TIAM2: variants seen among roughly 807,000 people sequenced by gnomAD.
TIAM2 encodes rho guanine nucleotide exchange factor TIAM2.
Under a neutral mutation model 152.9 loss-of-function variants are expected in TIAM2, and 80 were observed. The observed-to-expected ratio is 0.52, with a 90% CI of 0.44 to 0.63. The LOEUF is 0.63. Ranked by LOEUF, TIAM2 falls within the 30% of genes least tolerant of loss-of-function variation. The pLI is 0.00. For missense variants in TIAM2, 1,965 were observed against 2,120.1 expected (o/e 0.93, Z 1.44); for synonymous variants, 804 against 838.0 (o/e 0.96, Z 0.70).
chr6:155,157,559 G>T (rs1397755224), intron 7 of TIAM2, among the ~76,000 whole-genome samples: 2 of 151,572 alleles, frequency 1.3e-5, no homozygotes, highest in Non-Finnish European at 2.9e-5. Flanking sequence ...CTCCTGTCTC[G>T]GCCTCTCAAA....
intron 16 of TIAM2, among the ~76,000 whole-genome samples, chr6:155,242,341 A>C (rs1783080250): frequency 6.6e-6 from 1 of 152,152 alleles, no homozygotes; most frequent in Admixed American, 6.5e-5. Flanking sequence ...TTTAACACAG[A>C]ATCTTGTTGT....
intron 1 of TIAM2, among the ~76,000 whole-genome samples, chr6:154,998,695 A>G (rs1778263201): frequency 6.6e-6 from 1 of 152,234 alleles, no homozygotes. Context: ...AATTCATAAC[A>G]TTGGAATAAC....
At chr6:155,221,633 C>T (rs987451546) in intron 15 of TIAM2, among the ~76,000 whole-genome samples, 4 of 152,104 alleles carry the variant, frequency 2.6e-5, no homozygotes, top group East Asian at 1.9e-4. Flanking sequence ...CTTAGGTGGT[C>T]GTAAGGGACC....
At chr6:155,009,754 T>TGGGCCCCTC (rs1430744927) in intron 1 of TIAM2, among the ~76,000 whole-genome samples, 2 of 152,206 alleles carry the variant, frequency 1.3e-5, no homozygotes, top group African/African-American at 4.8e-5. Context: ...GAAGGCCCCT[T>TGGGCCCCTC]GGGCCCCTCT....
intron 1 of TIAM2, among the ~76,000 whole-genome samples, chr6:155,030,033 T>C (rs951941591): frequency 1.3e-5 from 2 of 152,110 alleles, no homozygotes; most frequent in Non-Finnish European, 2.9e-5. Flanking sequence ...GGTCAAGCCA[T>C]CCTCCCACCT....
chr6:155,032,717 T>G (rs2114892763), intron 1 of TIAM2, among the ~76,000 whole-genome samples: 1 of 152,290 alleles, frequency 6.6e-6, no homozygotes, highest in Admixed American at 6.5e-5. Context: ...ATTTTTTGTA[T>G]TTTTAGTAGA....
At chr6:155,139,684 A>G (rs1779645052) in intron 5 of TIAM2, among the ~76,000 whole-genome samples, 2 of 152,178 alleles carry the variant, frequency 1.3e-5, no homozygotes, top group Admixed American at 1.3e-4. Context: ...TCACACCTGT[A>G]ATCCCAGCAC....
intron 7 of TIAM2, among the ~76,000 whole-genome samples, chr6:155,150,470 G>T (rs998901345): frequency 2.0e-5 from 3 of 152,158 alleles, no homozygotes; most frequent in African/African-American, 7.2e-5. Flanking sequence ...AGGCTGGAAG[G>T]GTGTTGGGCG....
chr6:155,229,569 G>A (rs1000648394), intron 15 of TIAM2, among the ~76,000 whole-genome samples: 5 of 152,254 alleles, frequency 3.3e-5, no homozygotes, highest in Admixed American at 1.3e-4. Flanking sequence ...TAACTCCAGA[G>A]CCTGTGTGCC....
intron 2 of TIAM2, among the ~76,000 whole-genome samples, chr6:155,125,547 T>A (rs1779271223): frequency 6.6e-6 from 1 of 151,920 alleles, no homozygotes; most frequent in South Asian, 2.1e-4. Flanking sequence ...CTGTAAAGAA[T>A]TAAAAATAGG....
rs150872992 is a variant in TIAM2 at position 155,023,547 on chromosome 6, G to C, written c.-209+28055G>C. On this transcript the variant is annotated intron_variant, in intron 1 of 26. Transcript: ENST00000682666. Reference sequence around the variant, plus strand: ...TGCTCTTGATTTTGCAGCCCTGACAGGTTGGGTAGCAGCCTGGCCTGGAAC... The same window carrying C: ...TGCTCTTGATTTTGCAGCCCTGACACGTTGGGTAGCAGCCTGGCCTGGAAC... Among the ~76,000 whole-genome samples, 217 of 152,248 alleles carry C rather than the reference G, an allele frequency of 1.4e-3. 1 individual carries two copies. Among genetic ancestry groups the C allele is most frequent in the African/African-American group, 5.0e-3 (206 of 41,554 alleles).
At chr6:155,202,660 G>A (rs914866183) in intron 14 of TIAM2, among the ~76,000 whole-genome samples, 8 of 148,856 alleles carry the variant, frequency 5.4e-5, no homozygotes, top group African/African-American at 1.7e-4. Flanking sequence ...ACTCCTGACC[G>A]CAAGCAATCC....
At chr6:155,100,186 A>C (rs1778523699) in intron 2 of TIAM2, among the ~76,000 whole-genome samples, 1 of 152,136 alleles carries the variant, frequency 6.6e-6, no homozygotes, top group Non-Finnish European at 1.5e-5. Context: ...GGCAGAGCAG[A>C]AGTTTGGGTC....
intron 1 of TIAM2, among the ~76,000 whole-genome samples, chr6:155,057,925 G>A (rs1036702731): frequency 2.6e-5 from 4 of 152,144 alleles, no homozygotes; most frequent in African/African-American, 9.7e-5. Context: ...GAGAGTGTCT[G>A]TTCTCCATTT....
intron 1 of TIAM2, among the ~76,000 whole-genome samples, chr6:155,027,918 TTACA>T (rs1329046685): frequency 9.3e-6 from 1 of 107,470 alleles, no homozygotes; most frequent in East Asian, 2.2e-4. Context: ...ATGTACTGTG[TTACA>T]TATATACTAT....
chr6:155,151,997 A>G (rs1280317089), intron 7 of TIAM2, among the ~76,000 whole-genome samples: 1 of 151,528 alleles, frequency 6.6e-6, no homozygotes, highest in East Asian at 1.9e-4. Context: ...GGCGCCCGCC[A>G]CCACGCCCGG....
At chr6:155,094,419 C>T (rs1171075021) in intron 2 of TIAM2, among the ~76,000 whole-genome samples, 1 of 151,576 alleles carries the variant, frequency 6.6e-6, no homozygotes, top group Non-Finnish European at 1.5e-5. Flanking sequence ...TTTCAAACTT[C>T]AAGAAAAAAA....
intron 1 of TIAM2, among the ~76,000 whole-genome samples, chr6:155,034,387 A>G (rs1198460925): frequency 2.6e-5 from 4 of 151,974 alleles, no homozygotes; most frequent in Non-Finnish European, 5.9e-5. Flanking sequence ...AGTAGCTGGG[A>G]TTGATTATAG....
At chr6:155,164,375 T>C in intron 7 of TIAM2, 40 bp from the exon 8 acceptor site, 1 of 1,541,852 alleles carries the variant, frequency 6.5e-7, no homozygotes, top group Non-Finnish European at 8.8e-7. Flanking sequence ...CTGTGAAAAC[T>C]TTTAATTTTT....
Sources: allele counts gnomAD v4.1 joint callset (sites outside exome capture counted in the v4.1 genomes callset), GRCh38; gene constraint gnomAD v4.1.1; transcripts MANE v1.5; gene names NCBI Gene and HGNC (gene_info 2026-07-23, HGNC 2026-07-21).